Variants in RP1 observed in about 807,000 individuals in gnomAD.
RP1 encodes the protein RP1 axonemal microtubule associated.
RP1 carries 16 observed loss-of-function variants against 14.8 expected under a neutral mutation model. The ratio of observed to expected loss-of-function variants is 1.08; its 90% CI spans 0.73 to 1.65. The LOEUF is 1.65. RP1 is among the 40% of genes most tolerant of loss of function. RP1 has a pLI of 0.00. For missense variants in RP1, 2,631 were observed against 2,535.0 expected, an observed-to-expected ratio of 1.04 and a Z score of -0.81; for synonymous variants, 876 against 883.6, an observed-to-expected ratio of 0.99 and a Z score of 0.15.
intron 24 of RP1, among the ~76,000 whole-genome samples, chr8:54,831,572 T>C (rs11996811): frequency 0.3 from 45,804 of 150,840 alleles, 7,106 homozygotes; most frequent in South Asian, 0.37. Context: ...CCTTATGCTA[T>C]TACTGTTATG....
At chr8:54,661,279 T>TAA (rs1216511226) in intron 6 of RP1, among the ~76,000 whole-genome samples, 101 of 145,562 alleles carry the variant, frequency 6.9e-4, no homozygotes, top group African/African-American at 2.3e-3. Flanking sequence ...AAATGATATA[T>TAA]ATGATATATA....
At chr8:54,707,551 T>C (rs2129345528) in intron 15 of RP1, among the ~76,000 whole-genome samples, 1 of 152,346 alleles carries the variant, frequency 6.6e-6, no homozygotes, top group African/African-American at 2.4e-5. Context: ...AACCTCCCTG[T>C]TAATGCTCTC....
chr8:54,816,671 A>G (rs1811138506), intron 24 of RP1, among the ~76,000 whole-genome samples: 1 of 152,138 alleles, frequency 6.6e-6, no homozygotes, highest in African/African-American at 2.4e-5. Context: ...GGCTTTTACT[A>G]TTACTTCCTT....
intron 19 of RP1, among the ~76,000 whole-genome samples, chr8:54,751,530 A>G (rs1378634662): frequency 6.6e-6 from 1 of 152,218 alleles, no homozygotes; most frequent in Non-Finnish European, 1.5e-5. Flanking sequence ...ACTTGTTTTC[A>G]TTAATCTATC....
At chr8:54,607,811 GC>G (rs1469340242) in intron 1 of RP1, among the ~76,000 whole-genome samples, 1 of 152,208 alleles carries the variant, frequency 6.6e-6, no homozygotes, top group Non-Finnish European at 1.5e-5. Context: ...CTAGCAATGA[GC>G]GAGGCTCTGT....
At chr8:54,609,061 A>C (rs891089829) in intron 1 of RP1, among the ~76,000 whole-genome samples, 1 of 152,230 alleles carries the variant, frequency 6.6e-6, no homozygotes, top group Non-Finnish European at 1.5e-5. Flanking sequence ...GCAGTAAGCT[A>C]TGATGGATAG....
chr8:54,731,296 A>T (rs1808788819), intron 17 of RP1, among the ~76,000 whole-genome samples: 1 of 152,126 alleles, frequency 6.6e-6, no homozygotes, highest in South Asian at 2.1e-4. Context: ...AGTCACCCTC[A>T]CAGGGCATGT....
Position 54,626,798 on chromosome 8 carries a change from T to C in RP1, c.2916T>C (p.Asn972=). 6.2e-7 allele frequency: 1 copy of C among 1,613,794 alleles called. No individual in the cohort carries two copies. Among genetic ancestry groups the C allele is most frequent in the Non-Finnish European group, 8.5e-7 (1 of 1,179,918 alleles). The change falls in exon 4 of 4, where the codon AAT becomes AAC. Residue 972 remains asparagine, a synonymous_variant. Coordinates refer to ENST00000220676, the MANE Select transcript of RP1 (RefSeq NM_006269.2). ...GKISNFVMES[N]KHITKIAGLT... is the part of the protein sequence containing the mutation. ...TAAGTAATTTTGTTATGGAAAGTAA[T>C]AAGCACATAACTAAAATTGCCGGTT...
intron 7 of RP1, among the ~76,000 whole-genome samples, chr8:54,666,800 C>T (rs566906272): frequency 6.6e-6 from 1 of 151,954 alleles, no homozygotes; most frequent in African/African-American, 2.4e-5. Context: ...TTTAAAAAGA[C>T]CTCCTAGTTC....
chr8:54,794,726 C>T (rs545217618), intron 24 of RP1, among the ~76,000 whole-genome samples: 39 of 151,918 alleles, frequency 2.6e-4, no homozygotes, highest in Admixed American at 7.9e-4. Flanking sequence ...AATACACAAA[C>T]GGGCTGTATT....
At chr8:54,708,447 C>T (rs1485457177) in intron 15 of RP1, among the ~76,000 whole-genome samples, 1 of 151,786 alleles carries the variant, frequency 6.6e-6, no homozygotes, top group Non-Finnish European at 1.5e-5. Context: ...AGCTCCGCCT[C>T]CTGGGTTCAT....
At chr8:54,770,750 A>G (rs1449803602), downstream of RP1, among the ~76,000 whole-genome samples, 1 of 151,574 alleles carries the variant, frequency 6.6e-6, no homozygotes, top group Non-Finnish European at 1.5e-5. Flanking sequence ...TCAACTTGTA[A>G]TTTATATTAA....
At chr8:54,774,939 C>A (rs1809996689), downstream of RP1, among the ~76,000 whole-genome samples, 1 of 152,096 alleles carries the variant, frequency 6.6e-6, no homozygotes, top group Non-Finnish European at 1.5e-5. Flanking sequence ...GTTTTCTAAA[C>A]CTTGGGACTA....
intron 27 of RP1, among the ~76,000 whole-genome samples, chr8:54,862,761 A>G (rs372555210): frequency 2.6e-5 from 4 of 152,110 alleles, no homozygotes; most frequent in South Asian, 2.1e-4. Context: ...GCAGCTGCGC[A>G]TATGACTTCC....
At chr8:54,780,493 T>A (rs1810159753) in intron 23 of RP1, among the ~76,000 whole-genome samples, 1 of 152,198 alleles carries the variant, frequency 6.6e-6, no homozygotes, top group Non-Finnish European at 1.5e-5. Context: ...TTAATTTAAT[T>A]CCAATTGTTG....
At chr8:54,602,851 G>A (rs1805324340) in intron 1 of RP1, among the ~76,000 whole-genome samples, 1 of 152,148 alleles carries the variant, frequency 6.6e-6, no homozygotes, top group Non-Finnish European at 1.5e-5. Context: ...AGAAGTGTCT[G>A]TTCATATCCT....
chr8:54,749,006 C>T (rs755152619), intron 19 of RP1, among the ~76,000 whole-genome samples: 2 of 152,066 alleles, frequency 1.3e-5, no homozygotes, highest in African/African-American at 2.4e-5. Context: ...GGGTAGCTCT[C>T]AGAAAGTATT....
chr8:54,581,136 C>T (rs1585524238), intron 1 of RP1, among the ~76,000 whole-genome samples: 1 of 152,040 alleles, frequency 6.6e-6, no homozygotes, highest in African/African-American at 2.4e-5. Context: ...GGTATATCTC[C>T]TAATGCTATC....
chr8:54,684,676 A>T (rs966371746), intron 12 of RP1, among the ~76,000 whole-genome samples: 5 of 152,010 alleles, frequency 3.3e-5, no homozygotes, highest in African/African-American at 1.2e-4. Flanking sequence ...ATCATTTCTG[A>T]TTGTGTCCAT....
Sources: gnomAD v4.1 joint callset for allele counts (sites outside exome capture counted in the v4.1 genomes callset) on GRCh38, gnomAD v4.1.1 for gene constraint, MANE v1.5 for transcripts, NCBI Gene and HGNC (gene_info 2026-07-23, HGNC 2026-07-21) for gene names.